CEMIP: variants seen among roughly 807,000 people sequenced by gnomAD.
CEMIP encodes cell migration-inducing and hyaluronan-binding protein.
CEMIP carries 105 observed loss-of-function variants against 156.9 expected under a neutral mutation model. The observed-to-expected ratio is 0.67, with a 90% CI of 0.57 to 0.79. The LOEUF is 0.79. Among genes scored for constraint, CEMIP ranks in the 30% least tolerant of loss-of-function variants. CEMIP has a pLI of 0.00. For missense variants in CEMIP, 1,457 were observed against 1,769.4 expected, an observed-to-expected ratio of 0.82 and a Z score of 3.17; for synonymous variants, 676 against 668.4, an observed-to-expected ratio of 1.01 and a Z score of -0.17.
At chr15:80,835,334 G>A (rs543868950) in intron 1 of CEMIP, among the ~76,000 whole-genome samples, 9 of 152,184 alleles carry the variant, frequency 5.9e-5, no homozygotes, top group South Asian at 2.1e-4. Context: ...TAGTACCATC[G>A]CTGAGTTCCA....
intron 1 of CEMIP, among the ~76,000 whole-genome samples, chr15:80,846,063 C>T (rs1376245100): frequency 6.6e-6 from 1 of 152,204 alleles, no homozygotes; most frequent in Admixed American, 6.5e-5. Context: ...ACCCACCCAC[C>T]TCAGTGTAAA....
intron 1 of CEMIP, among the ~76,000 whole-genome samples, chr15:80,822,076 G>C (rs1422728408): frequency 6.6e-6 from 1 of 152,238 alleles, no homozygotes; most frequent in Non-Finnish European, 1.5e-5. Flanking sequence ...ATGTGTCCCA[G>C]TGTTACCTGG....
chr15:80,799,552 T>A (rs1055151791), intron 1 of CEMIP, among the ~76,000 whole-genome samples: 2 of 152,210 alleles, frequency 1.3e-5, no homozygotes, highest in African/African-American at 2.4e-5. Flanking sequence ...CCCTGCACAA[T>A]CCTGTTACTG....
At chr15:80,920,073 C>A (rs757966017) in intron 14 of CEMIP, 21 bp from the exon 15 acceptor site, 1 of 1,612,844 alleles carries the variant, frequency 6.2e-7, no homozygotes, top group South Asian at 1.1e-5. Context: ...TGGTGAAACA[C>A]CCCTGTCTTG....
chr15:80,946,686 G>A (rs958269590), intron 28 of CEMIP: 3 of 458,118 alleles, frequency 6.5e-6, no homozygotes, highest in African/African-American at 5.9e-5. Context: ...TCTGTTTGGA[G>A]AGAGACATGT....
intron 5 of CEMIP, 137 bp from the exon 6 acceptor site, chr15:80,880,763 G>A: frequency 2.5e-6 from 2 of 786,138 alleles, no homozygotes; most frequent in South Asian, 2.7e-5. Flanking sequence ...GACCTCAGGT[G>A]ATAAAAGTGT....
intron 14 of CEMIP, chr15:80,909,600 C>A: frequency 2.0e-6 from 1 of 502,256 alleles, no homozygotes; most frequent in Non-Finnish European, 3.9e-6. Context: ...ATCTGGAGAT[C>A]ATTCCACGGC....
At chr15:80,867,821 A>G (rs1184453155) in intron 1 of CEMIP, among the ~76,000 whole-genome samples, 1 of 152,036 alleles carries the variant, frequency 6.6e-6, no homozygotes, top group African/African-American at 2.4e-5. Context: ...TTCTGTCAGG[A>G]GAGAGCTGGG....
At chr15:80,915,578 G>C (rs1221422142) in intron 14 of CEMIP, among the ~76,000 whole-genome samples, 5 of 152,064 alleles carry the variant, frequency 3.3e-5, no homozygotes, top group African/African-American at 4.8e-5. Flanking sequence ...GGGAGGGAGA[G>C]GGGGTACATT....
chr15:80,799,951 CAA>C (rs1343432497), intron 1 of CEMIP, among the ~76,000 whole-genome samples: 2 of 152,018 alleles, frequency 1.3e-5, no homozygotes, highest in East Asian at 3.9e-4. Flanking sequence ...TGGGCTCAAG[CAA>C]TCCTTCTGCC....
chr15:80,926,766 T>TA (rs11362421), intron 19 of CEMIP, among the ~76,000 whole-genome samples: 177 of 115,448 alleles, frequency 1.5e-3, no homozygotes, highest in Non-Finnish European at 2.5e-3. Flanking sequence ...AATTTTTTTT[T>TA]AAAAAAGTCA....
At position 80,937,933 on chromosome 15, in the gene CEMIP, C is replaced by G; in HGVS notation, c.3361C>G (p.Gln1121Glu). 6.2e-7 allele frequency: 1 copy of G among 1,614,204 alleles called. No homozygotes were observed. The highest frequency in any genetic ancestry group is 8.5e-7 in the Non-Finnish European group (1 of 1,180,028). ...GACCTTGCAGATGGACAAAGTGGAG[C>G]AGAGCTACCCTGGCAGGAGCCACTA... ...VRTLQMDKVE[Q>E]SYPGRSHYYW... The change falls in exon 25 of 30, where the codon CAG becomes GAG. Residue 1121 changes from glutamine (Q) to glutamate (E), a missense_variant. Gln to Glu is a conservative substitution (Grantham distance 29, BLOSUM62 2). Coordinates refer to ENST00000394685, the MANE Select transcript of CEMIP (RefSeq NM_001293298.2).
At chr15:80,935,043 A>ACCTCT (rs1362796265) in intron 23 of CEMIP, among the ~76,000 whole-genome samples, 1 of 152,074 alleles carries the variant, frequency 6.6e-6, no homozygotes, top group African/African-American at 2.4e-5. Flanking sequence ...TTGCAGAGGC[A>ACCTCT]CCTCTCTCCC....
chr15:80,865,884 TAG>T lies in CEMIP; in HGVS notation c.-175-7652_-175-7651del, dbSNP rs201596469. ...TGCTGGGAGGGTCATGTGCATTATT[TAG>T]ATTTCAGTGCCTGTTGCACAGGGGT... On this transcript the variant is annotated intron_variant, in intron 1 of 29. Coordinates refer to ENST00000394685, the MANE Select transcript of CEMIP (RefSeq NM_001293298.2). Among the ~76,000 whole-genome samples the T allele has an allele frequency of 5.8e-3, 879 of 152,300 alleles. 14 individuals are homozygous for T. Among genetic ancestry groups the T allele is most frequent in the African/African-American group, 0.016 (679 of 41,568 alleles).
intron 14 of CEMIP, among the ~76,000 whole-genome samples, chr15:80,919,275 G>C (rs931528496): frequency 1.3e-5 from 2 of 152,156 alleles, no homozygotes; most frequent in African/African-American, 4.8e-5. Flanking sequence ...CCCCAGCTCA[G>C]GTGCTGCTCC....
chr15:80,831,376 G>A (rs1183495844), intron 1 of CEMIP, among the ~76,000 whole-genome samples: 2 of 152,152 alleles, frequency 1.3e-5, no homozygotes, highest in Non-Finnish European at 2.9e-5. Flanking sequence ...CTAAGGTCAC[G>A]TGACAAGCAG....
At position 80,829,940 on chromosome 15, in the gene CEMIP, C is replaced by G. The variant is rs569679738; in HGVS notation, c.-175-43598C>G. Among the ~76,000 whole-genome samples the G allele has an allele frequency of 2.7e-5, 4 of 148,426 alleles. No individual in the cohort carries two copies. In the South Asian group the frequency reaches 8.4e-4, roughly 31 times the overall value. ...TATCTTGGGACTGATGCTTCTTGAC[C>G]TAGTACCATAGAAGGGAGGTAGCGG... On this transcript the variant is annotated intron_variant, in intron 1 of 29. Coordinates refer to ENST00000394685, the MANE Select transcript of CEMIP (RefSeq NM_001293298.2).
rs796068914 is a variant in CEMIP, at chr15:80,926,836, C to CTTTTTTTTTTTTTTTTT, written c.2420+1093_2420+1094insTTTTTTTTTTTTTTTTT. 5.2e-4 allele frequency among the ~76,000 whole-genome samples: 55 copies of CTTTTTTTTTTTTTTTTT among 106,768 alleles called. 1 individual carries two copies. Among genetic ancestry groups the CTTTTTTTTTTTTTTTTT allele is most frequent in the African/African-American group, 2.7e-3 (52 of 19,252 alleles). 70.0% of individuals were successfully genotyped at this position (106,768 alleles called of 152,430 possible). On this transcript the variant is annotated intron_variant, in intron 19 of 29. Coordinates refer to ENST00000394685, the MANE Select transcript of CEMIP (RefSeq NM_001293298.2). ...TGAGCGGGTGGGGGGGGGGGGTCTT[C>CTTTTTTTTTTTTTTTTT]TTTTTTTTTTTTGAGATGGAGTCTT...
At chr15:80,896,093 A>T in intron 12 of CEMIP, 33 bp downstream of exon 12, 1 of 1,601,364 alleles carries the variant, frequency 6.2e-7, no homozygotes, top group Non-Finnish European at 8.6e-7. Flanking sequence ...CCTAGACTGG[A>T]TGAATCTGAA....
Sources: gnomAD v4.1 joint callset for allele counts (sites outside exome capture counted in the v4.1 genomes callset) on GRCh38, gnomAD v4.1.1 for gene constraint, MANE v1.5 for transcripts, NCBI Gene and HGNC (gene_info 2026-07-23, HGNC 2026-07-21) for gene names.